Variants in CMTM4 observed in about 807,000 individuals in gnomAD.
CMTM4 encodes the protein CKLF like MARVEL transmembrane domain containing 4.
In CMTM4, 8 loss-of-function variants were observed where a neutral mutation model predicts 19.0. The observed-to-expected ratio is 0.42, with a 90% confidence interval of 0.25 to 0.76. The LOEUF (loss-of-function observed/expected upper bound fraction) is 0.76. CMTM4 is among the 30% of genes least tolerant of loss of function. The pLI is 0.27. For synonymous variants in CMTM4, 106 were observed against 121.1 expected (o/e 0.88, Z 0.82); for missense variants, 228 against 290.2 (o/e 0.79, Z 1.56).
chr16:66,687,544 T>C (rs973123716), intron 1 of CMTM4, among the ~76,000 whole-genome samples: 1 of 152,086 alleles, frequency 6.6e-6, no homozygotes, highest in African/African-American at 2.4e-5. Flanking sequence ...CAAACAGTTA[T>C]ACAGCAGAAA....
At chr16:66,658,697 T>C (rs1266353381) in intron 1 of CMTM4, among the ~76,000 whole-genome samples, 1 of 152,208 alleles carries the variant, frequency 6.6e-6, no homozygotes, top group East Asian at 1.9e-4. Context: ...TTTAGCAGCA[T>C]CCCTGGCCTC....
chr16:66,608,557 C>T, the CMTM4 span: 1 of 1,323,894 alleles, frequency 7.6e-7, no homozygotes, highest in Non-Finnish European at 1.0e-6. The surrounding 1 kb of genome is among the most constrained non-coding windows in gnomAD (Gnocchi z 5.1). Flanking sequence ...TATCCTTTCT[C>T]TAGTGTGCTG....
In CMTM4 at chr16:66,624,872, T is replaced by G. The variant is rs2015705230; in HGVS notation, c.364-1370A>C. On this transcript the variant is annotated intron_variant, in intron 2 of 3. Transcript: ENST00000394106. ...GCTCCTGGCTCATGGAAAGCTCTGC[T>G]CAGACGCATCTGCCAGCAGGATGGG... Among the ~76,000 whole-genome samples the G allele has an allele frequency of 5.3e-5, 8 of 152,304 alleles. No individual in the cohort carries two copies. The South Asian group carries it at 1.7e-3, about 32-fold the overall frequency.
the CMTM4 span, among the ~76,000 whole-genome samples, chr16:66,598,539 T>C: frequency 1.0e-3 from 152 of 152,282 alleles, no homozygotes; most frequent in African/African-American, 3.5e-3. Context: ...CCAATCAAAA[T>C]AAAGAACACT....
chr16:66,656,338 A>G (rs1311919472), intron 1 of CMTM4, among the ~76,000 whole-genome samples: 3 of 152,122 alleles, frequency 2.0e-5, no homozygotes, highest in Non-Finnish European at 4.4e-5. Flanking sequence ...CATTAAAACT[A>G]ATGAATGAAA....
At chr16:66,671,560 C>T (rs1406243386) in intron 1 of CMTM4, among the ~76,000 whole-genome samples, 1 of 152,158 alleles carries the variant, frequency 6.6e-6, no homozygotes, top group Non-Finnish European at 1.5e-5. Flanking sequence ...TCTTCTCCTC[C>T]TCTCCCCTGA....
At chr16:66,673,051 A>C (rs981145765) in intron 1 of CMTM4, among the ~76,000 whole-genome samples, 4 of 142,404 alleles carry the variant, frequency 2.8e-5, no homozygotes, top group Non-Finnish European at 6.0e-5. Flanking sequence ...CTGGGATTAC[A>C]GGCACGCGCC....
At chr16:66,634,623 G>A (rs2015955470) in intron 2 of CMTM4, among the ~76,000 whole-genome samples, 1 of 152,094 alleles carries the variant, frequency 6.6e-6, no homozygotes, top group South Asian at 2.1e-4. Flanking sequence ...CAGGGGAACA[G>A]TGTGGGTAAC....
At position 66,615,392 on chromosome 16, in the gene CMTM4, G is replaced by A. The variant is rs1302725728; in HGVS notation, c.*6666C>T. 1 of 152,202 alleles carries A rather than the reference G, an allele frequency of 6.6e-6. No homozygotes were observed. Among genetic ancestry groups the A allele is most frequent in the Non-Finnish European group, 1.5e-5 (1 of 68,040 alleles). 9.4% of individuals were successfully genotyped at this position (152,202 alleles called of 1,614,324 possible). On this transcript the variant is annotated 3_prime_UTR_variant, in exon 4 of 4. Transcript: ENST00000394106. This position sits in a 1 kb window ranked among gnomAD's most constrained non-coding sequence, Gnocchi z 4.9. ...GCAATGGCTCAGCTAGTTTACTCAAGGGTTTTGGGACCAGACATAACTCAC... is the reference window on the plus strand; with the variant it reads ...GCAATGGCTCAGCTAGTTTACTCAAAGGTTTTGGGACCAGACATAACTCAC...
At chr16:66,644,043 C>T (rs987994708) in intron 1 of CMTM4, among the ~76,000 whole-genome samples, 7 of 152,178 alleles carry the variant, frequency 4.6e-5, no homozygotes, top group Admixed American at 6.5e-5. Flanking sequence ...TGTGAGCCAC[C>T]GCCCCCGGCC....
At chr16:66,658,243 G>A (rs1173135680) in intron 1 of CMTM4, among the ~76,000 whole-genome samples, 2 of 145,292 alleles carry the variant, frequency 1.4e-5, no homozygotes, top group Non-Finnish European at 1.5e-5. Context: ...GAGGGAAGGA[G>A]GGAGGGAAGG....
intron 1 of CMTM4, among the ~76,000 whole-genome samples, chr16:66,649,853 A>G (rs2016278271): frequency 6.6e-6 from 1 of 152,086 alleles, no homozygotes; most frequent in Non-Finnish European, 1.5e-5. Context: ...ACAGACATGT[A>G]TAAGAAAGGC....
At chr16:66,686,367 G>A (rs2017032327) in intron 1 of CMTM4, among the ~76,000 whole-genome samples, 1 of 151,462 alleles carries the variant, frequency 6.6e-6, no homozygotes, top group South Asian at 2.1e-4. Context: ...TTCGAGACCA[G>A]CCTGGCCAAC....
intron 1 of CMTM4, among the ~76,000 whole-genome samples, chr16:66,675,520 A>C (rs1235082163): frequency 3.3e-5 from 5 of 150,976 alleles, no homozygotes; most frequent in African/African-American, 9.7e-5. Context: ...AAAGACACAA[A>C]GGAGAAGTTC....
chr16:66,687,888 C>A (rs891217592), intron 1 of CMTM4, among the ~76,000 whole-genome samples: 7 of 151,964 alleles, frequency 4.6e-5, no homozygotes, highest in African/African-American at 1.7e-4. Flanking sequence ...CGGGTTTCAC[C>A]GTGTTAGCCA....
At chr16:66,663,838 G>A (rs553448503) in intron 1 of CMTM4, among the ~76,000 whole-genome samples, 1 of 152,112 alleles carries the variant, frequency 6.6e-6, no homozygotes, top group Admixed American at 6.5e-5. Flanking sequence ...AACACACCCG[G>A]CCCATTTGCT....
At chr16:66,604,755 C>T in the CMTM4 span, 2 of 1,208,702 alleles carry the variant, frequency 1.7e-6, no homozygotes, top group East Asian at 3.4e-5. Context: ...TCCCTCCGGG[C>T]GCGAGAAGAG....
intron 1 of CMTM4, among the ~76,000 whole-genome samples, chr16:66,670,412 C>A (rs1264429892): frequency 6.9e-6 from 1 of 144,148 alleles, no homozygotes; most frequent in Non-Finnish European, 1.5e-5. Flanking sequence ...CAAGATCCAA[C>A]CTGGGCGACA....
the CMTM4 span, chr16:66,608,570 G>A: frequency 8.5e-7 from 1 of 1,171,486 alleles, no homozygotes; most frequent in Non-Finnish European, 1.2e-6. The surrounding 1 kb of genome is among the most constrained non-coding windows in gnomAD (Gnocchi z 5.1). Context: ...GTGTGCTGGA[G>A]TTTGCAGTTG....
Sources: gnomAD v4.1 joint callset for allele counts (sites outside exome capture counted in the v4.1 genomes callset) on GRCh38, gnomAD v4.1.1 for gene constraint, Gnocchi (gnomAD v3.1) non-coding constraint, MANE v1.5 for transcripts, NCBI Gene and HGNC (gene_info 2026-07-23, HGNC 2026-07-21) for gene names.